Variants in MAP3K14 observed in about 807,000 individuals in gnomAD.
MAP3K14 encodes the protein mitogen-activated protein kinase kinase kinase 14, also known as NF-kappa-beta-inducing kinase.
In MAP3K14, 16 loss-of-function variants were observed where a neutral mutation model predicts 99.2. That is an observed-to-expected ratio of 0.16 (90% CI 0.11 to 0.24). MAP3K14 has a LOEUF of 0.24. MAP3K14 is among the 10% of genes least tolerant of loss of function. MAP3K14 has a pLI of 1.00. For missense variants in MAP3K14, 784 were observed against 1,208.7 expected, an observed-to-expected ratio of 0.65 and a Z score of 5.21; for synonymous variants, 462 against 492.4, an observed-to-expected ratio of 0.94 and a Z score of 0.82.
At chr17:45,310,324 G>A (rs774534479) in intron 1 of MAP3K14, among the ~76,000 whole-genome samples, 2 of 152,024 alleles carry the variant, frequency 1.3e-5, no homozygotes, top group African/African-American at 4.8e-5. Flanking sequence ...ACGAGCCACC[G>A]TGCCCAGCCT....
chr17:45,274,340 A>T (rs1598246535), intron 7 of MAP3K14, 86 bp from the exon 8 acceptor site: 1 of 1,571,180 alleles, frequency 6.4e-7, no homozygotes, highest in East Asian at 2.3e-5. Flanking sequence ...AGGCAGTGGA[A>T]AGCAGGGTCA....
At position 45,270,436 on chromosome 17, in the gene MAP3K14, T is replaced by C; in HGVS notation, c.1949A>G (p.Lys650Arg). The change falls in exon 11 of 16, where the codon AAG (lysine) becomes AGG (arginine). Residue 650 changes from lysine to arginine, a missense_variant. Lys to Arg is a conservative substitution (Grantham distance 26, BLOSUM62 2). Around this residue, in one of 5 missense-constraint regions of MAP3K14, gnomAD observed 200 missense variants for 367.9 expected, o/e 0.54. Transcript: ENST00000344686. ...ACCTTGCTGTAGTGCCCGGTTCACC[T>C]TCCCTCCCAGCTCCGCTGCAGACAC... Reference protein sequence around the residue: ...HRVSAAELGGKVNRALQQVGG... With the variant: ...HRVSAAELGGRVNRALQQVGG... The C allele has an allele frequency of 6.2e-7, 1 of 1,611,908 alleles. No individual in the cohort carries two copies. The highest frequency in any genetic ancestry group is 8.5e-7 in the Non-Finnish European group (1 of 1,179,498).
In MAP3K14 at chr17:45,267,409, T is replaced by C. The variant is rs767767533; in HGVS notation, c.2323A>G (p.Ile775Val). 1 of 1,590,196 alleles carries C rather than the reference T, an allele frequency of 6.3e-7. No homozygotes were observed. The highest frequency in any genetic ancestry group is 8.6e-7 in the Non-Finnish European group (1 of 1,168,552). Residue 775 changes from isoleucine to valine, a missense_variant, in exon 12 of 16, where the codon ATA becomes GTA. Physicochemically the swap from Ile to Val is conservative, Grantham distance 29 (BLOSUM62 3). This residue lies in a region of MAP3K14 where 128 missense variants were observed against 143.3 expected (regional missense o/e 0.89). Transcript: ENST00000344686. The surrounding 1 kb of genome is among the most constrained non-coding windows in gnomAD (Gnocchi z 5.1). ...CTGCAGCCACGGCTGCCCGTACCTA[T>C]TTCCAGCTGCTGCAGTTCCTGCTCC... is the stretch of plus-strand genomic sequence containing the variant. ...VPEQELQQLE[I>V]ELFLNSLSQP...
At chr17:45,268,212 C>T (rs2044112300) in intron 11 of MAP3K14, 1 of 158,070 alleles carries the variant, frequency 6.3e-6, no homozygotes, top group Non-Finnish European at 1.4e-5. Context: ...CTAGTTCAGC[C>T]CTGGGACCAC....
chr17:45,265,571 G>A (rs1010147434), intron 14 of MAP3K14, among the ~76,000 whole-genome samples: 1 of 152,192 alleles, frequency 6.6e-6, no homozygotes, highest in Non-Finnish European at 1.5e-5. Flanking sequence ...TCAAGTAGCT[G>A]GGATTACAGG....
At chr17:45,270,146 G>C (rs899841110) in intron 11 of MAP3K14, among the ~76,000 whole-genome samples, 1 of 152,136 alleles carries the variant, frequency 6.6e-6, no homozygotes, top group Non-Finnish European at 1.5e-5. Flanking sequence ...GAGTCTTCTG[G>C]GTTGATTGTA....
chr17:45,295,564 C>T (rs2044340745), intron 1 of MAP3K14, among the ~76,000 whole-genome samples: 1 of 152,218 alleles, frequency 6.6e-6, no homozygotes, highest in Admixed American at 6.5e-5. Context: ...AAAGTACCTA[C>T]TGTCATCTCA....
intron 6 of MAP3K14, among the ~76,000 whole-genome samples, chr17:45,276,531 A>C (rs1489362725): frequency 6.7e-6 from 1 of 149,786 alleles, no homozygotes; most frequent in East Asian, 1.9e-4. Context: ...TTTTTTTTTG[A>C]GACAGAGTCT....
At position 45,286,369 on chromosome 17, in the gene MAP3K14, G is replaced by A; in HGVS notation, c.1152+62C>T. ...CAGGCAAGAGTGACTCTGATAAAGA[G>A]AGAAAAGCATCCCCCAGGTTGCTGG... is the stretch of plus-strand genomic sequence containing the variant. On this transcript the variant is annotated intron_variant, in intron 5 of 15. Coordinates refer to ENST00000344686, the MANE Select transcript of MAP3K14 (RefSeq NM_003954.5). This position sits in a 1 kb window ranked among gnomAD's most constrained non-coding sequence, Gnocchi z 4.1. 5 of 1,484,136 alleles carry A rather than the reference G, an allele frequency of 3.4e-6. No homozygotes were observed. The highest frequency in any genetic ancestry group is 4.8e-5 in the East Asian group (2 of 42,050). The allele number at this position is 1,484,136 out of a possible 1,614,324, so 91.9% of individuals were successfully genotyped here.
intron 1 of MAP3K14, among the ~76,000 whole-genome samples, chr17:45,292,467 G>A (rs1285071006): frequency 6.6e-6 from 1 of 152,070 alleles, no homozygotes; most frequent in East Asian, 1.9e-4. Flanking sequence ...AGGCTGCGGT[G>A]GGAGGAATGC....
intron 1 of MAP3K14, among the ~76,000 whole-genome samples, chr17:45,309,343 C>A (rs58554752): frequency 0.012 from 1,800 of 152,332 alleles, 24 homozygotes; most frequent in Middle Eastern, 0.054. Flanking sequence ...AGGAGGGCCA[C>A]TGGGCTGCGC....
At position 45,264,202 on chromosome 17, in the gene MAP3K14, C is replaced by G. The variant is rs1216134739; in HGVS notation, c.*434G>C. On this transcript the variant is annotated 3_prime_UTR_variant, in exon 16 of 16. Transcript: ENST00000344686. Reference sequence around the variant, plus strand: ...GTTCTGCACTGAACCTGAGTTTGGGCCCTTACACACTTGACACTCTCACAG... The same window carrying G: ...GTTCTGCACTGAACCTGAGTTTGGGGCCTTACACACTTGACACTCTCACAG... 1 of 161,142 alleles carries G rather than the reference C, an allele frequency of 6.2e-6. No homozygotes were observed. The highest frequency in any genetic ancestry group is 2.4e-5 in the African/African-American group (1 of 41,658). The allele number at this position is 161,142 out of a possible 1,614,324, so 10.0% of individuals were successfully genotyped here.
intron 6 of MAP3K14, among the ~76,000 whole-genome samples, chr17:45,283,859 G>GT (rs2044242692): frequency 6.6e-6 from 1 of 152,208 alleles, no homozygotes. Context: ...TTAGGTCCTG[G>GT]TGCTGGCTTT....
At chr17:45,285,905 T>C (rs1334051888) in intron 5 of MAP3K14, among the ~76,000 whole-genome samples, 1 of 150,490 alleles carries the variant, frequency 6.6e-6, no homozygotes, top group Non-Finnish European at 1.5e-5. Context: ...TGAGCTATGA[T>C]TGTACGACTG....
intron 6 of MAP3K14, among the ~76,000 whole-genome samples, chr17:45,277,069 C>G (rs1346883261): frequency 6.6e-6 from 1 of 151,768 alleles, no homozygotes; most frequent in Non-Finnish European, 1.5e-5. Context: ...GCCTCATGAT[C>G]CGCCCACCTC....
In MAP3K14 at chr17:45,301,125, G is replaced by A. The variant is rs575030000; in HGVS notation, c.-20-10360C>T. On this transcript the variant is annotated intron_variant, in intron 1 of 15. Coordinates refer to ENST00000344686, the MANE Select transcript of MAP3K14 (RefSeq NM_003954.5). The stretch of plus-strand genomic sequence containing the variant: ...CAAGGTTGCAGTGAGCCATGATTAC[G>A]CCACTGCACTCCAGCCTGGACAACA... 7.4e-5 allele frequency among the ~76,000 whole-genome samples: 11 copies of A among 149,366 alleles called. No homozygotes were observed. The East Asian group carries it at 1.6e-3, about 22-fold the overall frequency.
Position 45,290,660 on chromosome 17 carries a change from G to A in MAP3K14, c.86C>T (p.Thr29Met), listed in dbSNP as rs55820104. ...GCTCTGTTTCTTCCCCAGTGGCGGC[G>A]TCTTCTCCTTGGCTTTGGGGAGTTC... ...QKELPKAKEK[T>M]PPLGKKQSSV... Residue 29 changes from threonine to methionine, a missense_variant, in exon 2 of 16, where the codon ACG (threonine) becomes ATG (methionine). By Grantham distance (81) the Thr-to-Met change is moderately conservative. Coordinates refer to ENST00000344686, the MANE Select transcript of MAP3K14 (RefSeq NM_003954.5). The A allele has an allele frequency of 3.2e-5, 52 of 1,613,226 alleles. No homozygotes were observed. In the East Asian group the frequency reaches 7.1e-4, roughly 22 times the overall value.
intron 1 of MAP3K14, among the ~76,000 whole-genome samples, chr17:45,301,560 G>A (rs956227527): frequency 6.6e-6 from 1 of 151,966 alleles, no homozygotes; most frequent in Non-Finnish European, 1.5e-5. Flanking sequence ...AATAAATCAT[G>A]GAACATCCAT....
rs1449730104 is a variant in MAP3K14, at chr17:45,264,705, T to G, written c.2775A>C (p.Thr925=). The G allele has an allele frequency of 2.5e-6, 4 of 1,609,472 alleles. No individual in the cohort carries two copies. Among genetic ancestry groups the G allele is most frequent in the Non-Finnish European group, 3.4e-6 (4 of 1,178,024 alleles). Residue 925 remains threonine (T), a synonymous_variant, in exon 16 of 16, where the codon ACA becomes ACC. Coordinates refer to ENST00000344686, the MANE Select transcript of MAP3K14 (RefSeq NM_003954.5). ...AGGCGAAGCTGCCATCAGGGGCCAG[T>G]GTGCACTGCAGGTCGATGCCCGAGT... is the stretch of plus-strand genomic sequence containing the variant. ...VPDSGIDLQC[T]LAPDGSFAWS...
Sources: gnomAD v4.1 joint callset for allele counts (sites outside exome capture counted in the v4.1 genomes callset) on GRCh38, gnomAD v4.1.1 for gene constraint, gnomAD v4.1.1 regional missense constraint, Gnocchi (gnomAD v3.1) non-coding constraint, MANE v1.5 for transcripts, NCBI Gene and HGNC (gene_info 2026-07-23, HGNC 2026-07-21) for gene names.